ANKRD29: variants seen among roughly 807,000 people sequenced by gnomAD.
ANKRD29 encodes ankyrin repeat domain 29.
A neutral mutation model predicts 38.0 loss-of-function variants in ANKRD29; 32 were observed. The observed-to-expected ratio is 0.84, with a 90% CI of 0.64 to 1.13. The LOEUF (loss-of-function observed/expected upper bound fraction) is 1.13, where lower values mean the gene tolerates loss of function less well. Among genes scored for constraint, ANKRD29 ranks in the 50% most tolerant of loss-of-function variants. The probability of loss-of-function intolerance (pLI) is 0.00; values close to 1 mark genes in which losing one functional copy is unlikely to be tolerated. For synonymous variants in ANKRD29, 135 were observed against 152.4 expected, an observed-to-expected ratio of 0.89 and a Z score of 0.84; for missense variants, 357 against 377.9, an observed-to-expected ratio of 0.94 and a Z score of 0.46.
At chr18:23,642,845 T>C (rs1432177293) in intron 3 of ANKRD29, among the ~76,000 whole-genome samples, 1 of 152,186 alleles carries the variant, frequency 6.6e-6, no homozygotes, top group Non-Finnish European at 1.5e-5. Flanking sequence ...AAATCACACC[T>C]GAAGGTGGAG....
intron 6 of ANKRD29, among the ~76,000 whole-genome samples, chr18:23,627,454 C>T (rs1052439987): frequency 1.2e-4 from 18 of 152,148 alleles, no homozygotes; most frequent in African/African-American, 4.1e-4. Context: ...CCAGGTTATC[C>T]TAACTCTTGA....
At chr18:23,608,625 A>T (rs1300794929) in intron 9 of ANKRD29, among the ~76,000 whole-genome samples, 1 of 152,232 alleles carries the variant, frequency 6.6e-6, no homozygotes, top group African/African-American at 2.4e-5. Flanking sequence ...AGACAGTGAA[A>T]GAAATCAGAC....
intron 6 of ANKRD29, among the ~76,000 whole-genome samples, chr18:23,625,104 T>C (rs2059846713): frequency 6.6e-6 from 1 of 152,202 alleles, no homozygotes; most frequent in Non-Finnish European, 1.5e-5. Context: ...CAATTCTATT[T>C]GAAGTTGGGA....
intron 6 of ANKRD29, among the ~76,000 whole-genome samples, chr18:23,625,795 T>G (rs1206025425): frequency 2.6e-5 from 4 of 152,180 alleles, no homozygotes; most frequent in African/African-American, 9.7e-5. Context: ...AAGATATCTA[T>G]ATCCCCATAA....
At position 23,619,523 on chromosome 18, in the gene ANKRD29, G is replaced by A; in HGVS notation, c.627+8C>T. The stretch of plus-strand genomic sequence containing the variant: ...TTCGCTCTTTGGCCGCGCGACTCGG[G>A]CACTCACGTTCCGCGCAGCGTCGCG... On this transcript the variant is annotated splice_region_variant and intron_variant, in intron 7 of 9. Coordinates refer to ENST00000592179, the MANE Select transcript of ANKRD29 (RefSeq NM_173505.4). 1.3e-6 allele frequency: 2 copies of A among 1,582,486 alleles called. No individual in the cohort carries two copies. Among genetic ancestry groups the A allele is most frequent in the Non-Finnish European group, 1.7e-6 (2 of 1,173,116 alleles).
At position 23,617,781 on chromosome 18, in the gene ANKRD29, T is replaced by G. The variant is rs139593522; in HGVS notation, c.674A>C (p.Asp225Ala). 134 of 1,614,012 alleles carry G rather than the reference T, an allele frequency of 8.3e-5. No individual in the cohort carries two copies. The highest frequency in any genetic ancestry group is 1.1e-4 in the Non-Finnish European group (126 of 1,180,026). ...GAATTTAAGCAACTCTTTTATGACA[T>G]CATTATACCCTTTGTTGGCTGCTTT... ...LLKAANKGYN[D>A]VIKELLKFSP... Residue 225 changes from aspartate to alanine, a missense_variant, in exon 8 of 10, where the codon GAT becomes GCT. Physicochemically the swap from Asp to Ala is moderately radical, Grantham distance 126. Transcript: ENST00000592179.
intron 5 of ANKRD29, among the ~76,000 whole-genome samples, chr18:23,631,424 A>G (rs1003127793): frequency 6.7e-6 from 1 of 150,356 alleles, no homozygotes. Context: ...AAAAAAATTT[A>G]TAGTAGAGAC....
chr18:23,617,584 A>C (rs2059740911), intron 8 of ANKRD29, 148 bp downstream of exon 8: 2 of 439,122 alleles, frequency 4.6e-6, no homozygotes, highest in Admixed American at 3.4e-5. Context: ...AGCCCCTGGG[A>C]TCTCCAGCAT....
At chr18:23,620,835 G>T (rs1289405991) in intron 6 of ANKRD29, among the ~76,000 whole-genome samples, 2 of 152,204 alleles carry the variant, frequency 1.3e-5, no homozygotes, top group African/African-American at 4.8e-5. Flanking sequence ...GCATCCAGGA[G>T]TCCCGTCTGC....
chr18:23,601,176 T>A lies in ANKRD29; in HGVS notation c.*50A>T. ...ACACTGCTTGAAATGCAATTTCTTT[T>A]TGGACAATGTGGTTAAGCTTTCTAT... On this transcript the variant is annotated 3_prime_UTR_variant, in exon 10 of 10. Coordinates refer to ENST00000592179, the MANE Select transcript of ANKRD29 (RefSeq NM_173505.4). 1 of 1,528,886 alleles carries A rather than the reference T, an allele frequency of 6.5e-7. No individual in the cohort carries two copies. 94.7% of individuals were successfully genotyped at this position (1,528,886 alleles called of 1,614,324 possible). A position where few individuals can be genotyped will look rare whatever the true frequency, so the allele number is the denominator to read the frequency against.
chr18:23,621,709 C>CTA (rs1300503400), intron 6 of ANKRD29, among the ~76,000 whole-genome samples: 6 of 152,058 alleles, frequency 3.9e-5, no homozygotes, highest in African/African-American at 1.4e-4. Flanking sequence ...AGACAGGACT[C>CTA]TGTTACCTAG....
At position 23,609,251 on chromosome 18, in the gene ANKRD29, C is replaced by T. The variant is rs572534252; in HGVS notation, c.822+2841G>A. The T allele has an allele frequency of 5.3e-4, 81 of 152,326 alleles. 1 individual carries two copies. The highest frequency in any genetic ancestry group is 1.9e-3 in the African/African-American group (80 of 41,542). The allele number at this position is 152,326 out of a possible 1,614,324, so 9.4% of individuals were successfully genotyped here. ...TGCACTTGATGGATCAGCGACACCA[C>T]CCAGACCAGTAATCTGGCCCAATCA... On this transcript the variant is annotated intron_variant, in intron 9 of 9. Transcript: ENST00000592179.
At chr18:23,643,893 G>C (rs566867071) in intron 3 of ANKRD29, among the ~76,000 whole-genome samples, 2 of 152,356 alleles carry the variant, frequency 1.3e-5, no homozygotes, top group Non-Finnish European at 2.9e-5. Context: ...GATCAAGGCA[G>C]AAGTCTGCCA....
chr18:23,643,311 C>G (rs2060100707), intron 3 of ANKRD29, among the ~76,000 whole-genome samples: 1 of 152,196 alleles, frequency 6.6e-6, no homozygotes, highest in African/African-American at 2.4e-5. Flanking sequence ...CATCCTCCCA[C>G]TGCTTTATTA....
chr18:23,622,033 C>A (rs567108373), intron 6 of ANKRD29, among the ~76,000 whole-genome samples: 4 of 152,090 alleles, frequency 2.6e-5, no homozygotes, highest in Admixed American at 2.6e-4. Context: ...ATGGAGGTTT[C>A]CATACGACTG....
chr18:23,641,490 G>A (rs2060075722), intron 3 of ANKRD29, among the ~76,000 whole-genome samples: 1 of 152,264 alleles, frequency 6.6e-6, no homozygotes, highest in South Asian at 2.1e-4. Context: ...TATGCTTGAG[G>A]TGGTGTTGAC....
chr18:23,635,002 C>T (rs2059984652), intron 4 of ANKRD29, among the ~76,000 whole-genome samples: 1 of 152,216 alleles, frequency 6.6e-6, no homozygotes, highest in Non-Finnish European at 1.5e-5. Context: ...AGCTATGGCA[C>T]ATTCTGTGTG....
chr18:23,616,003 C>CGTAT (rs1179286871), intron 8 of ANKRD29, among the ~76,000 whole-genome samples: 1 of 147,726 alleles, frequency 6.8e-6, no homozygotes, highest in Non-Finnish European at 1.5e-5. Flanking sequence ...CTACACATAC[C>CGTAT]GTATGTATGT....
chr18:23,603,786 C>T (rs1236190501), intron 9 of ANKRD29, among the ~76,000 whole-genome samples: 1 of 151,906 alleles, frequency 6.6e-6, no homozygotes, highest in Non-Finnish European at 1.5e-5. Flanking sequence ...CAAACAACTG[C>T]ACAGGGACTG....
Sources: gnomAD v4.1 joint callset for allele counts (sites outside exome capture counted in the v4.1 genomes callset) on GRCh38, gnomAD v4.1.1 for gene constraint, MANE v1.5 for transcripts, NCBI Gene and HGNC (gene_info 2026-07-23, HGNC 2026-07-21) for gene names.